Variants in NOL4L observed in about 807,000 individuals in gnomAD.
NOL4L encodes the protein nucleolar protein 4-like.
NOL4L carries 7 observed loss-of-function variants against 64.5 expected under a neutral mutation model. The ratio of observed to expected loss-of-function variants is 0.11; its 90% CI spans 0.06 to 0.20. NOL4L has a LOEUF of 0.20. Among genes scored for constraint, NOL4L ranks in the 10% least tolerant of loss-of-function variants. The pLI is 1.00. For missense variants in NOL4L, 680 were observed against 967.1 expected (o/e 0.70, Z 3.94); for synonymous variants, 413 against 401.0 (o/e 1.03, Z -0.36).
chr20:32,493,167 C>T (rs573375699), intron 4 of NOL4L, among the ~76,000 whole-genome samples: 4 of 152,194 alleles, frequency 2.6e-5, no homozygotes, highest in Non-Finnish European at 5.9e-5. Flanking sequence ...AGCTGGCTCT[C>T]CGGCAGGTGA....
intron 1 of NOL4L, among the ~76,000 whole-genome samples, chr20:32,568,884 T>G (rs766483931): frequency 1.3e-5 from 2 of 152,164 alleles, no homozygotes; most frequent in Non-Finnish European, 2.9e-5. Context: ...TGGGGGACCC[T>G]GGCCATCTCA....
chr20:32,512,720 T>C (rs1376727100), intron 3 of NOL4L, among the ~76,000 whole-genome samples: 3 of 152,188 alleles, frequency 2.0e-5, no homozygotes, highest in African/African-American at 7.2e-5. Context: ...CATTTTGTCA[T>C]AGGTATTTTC....
intron 1 of NOL4L, among the ~76,000 whole-genome samples, chr20:32,572,001 G>C (rs1215743903): frequency 6.6e-6 from 1 of 152,178 alleles, no homozygotes; most frequent in Non-Finnish European, 1.5e-5. Context: ...ATATCCCAAG[G>C]TTGGCACCCT....
chr20:32,535,470 A>T, intron 1 of NOL4L: 1 of 438,060 alleles, frequency 2.3e-6, no homozygotes, highest in Non-Finnish European at 3.0e-6. Context: ...ACAATCTCCA[A>T]CTGTTAGCGC....
At chr20:32,522,795 C>T (rs1202554136) in intron 2 of NOL4L, among the ~76,000 whole-genome samples, 1 of 152,186 alleles carries the variant, frequency 6.6e-6, no homozygotes, top group Non-Finnish European at 1.5e-5. Context: ...CCTCGGCTCC[C>T]CTGAGACGTG....
chr20:32,476,100 A>G (rs559032473), intron 4 of NOL4L, among the ~76,000 whole-genome samples: 1 of 151,440 alleles, frequency 6.6e-6, no homozygotes, highest in Non-Finnish European at 1.5e-5. Context: ...AGGCACACGC[A>G]CTCACTCTGC....
At chr20:32,559,781 G>A (rs144879767) in intron 1 of NOL4L, among the ~76,000 whole-genome samples, 258 of 152,336 alleles carry the variant, frequency 1.7e-3, no homozygotes, top group African/African-American at 5.9e-3. Context: ...AGTCACCTCC[G>A]AGCTGGCTGC....
At chr20:32,522,275 T>C (rs6119881) in intron 2 of NOL4L, among the ~76,000 whole-genome samples, 3,117 of 152,336 alleles carry the variant, frequency 0.02, 97 homozygotes, top group African/African-American at 0.071. Context: ...TCTCAGCTGA[T>C]TTGATGCTCT....
intron 4 of NOL4L, among the ~76,000 whole-genome samples, chr20:32,503,888 C>T (rs2017024068): frequency 6.6e-6 from 1 of 152,072 alleles, no homozygotes; most frequent in Non-Finnish European, 1.5e-5. Flanking sequence ...TAGCACTACT[C>T]CCTCTTTTTT....
intron 4 of NOL4L, among the ~76,000 whole-genome samples, chr20:32,504,934 A>G (rs1449320506): frequency 6.6e-6 from 1 of 152,208 alleles, no homozygotes; most frequent in Non-Finnish European, 1.5e-5. Flanking sequence ...AAGGTCACAC[A>G]CATTGAGCCA....
chr20:32,526,246 T>C (rs1053798809), intron 2 of NOL4L, among the ~76,000 whole-genome samples: 2 of 152,150 alleles, frequency 1.3e-5, no homozygotes, highest in Admixed American at 6.5e-5. Flanking sequence ...AAGGGGCCCA[T>C]GTGGGCCCCA....
At chr20:32,526,241 G>A (rs1009050215) in intron 2 of NOL4L, among the ~76,000 whole-genome samples, 4 of 152,138 alleles carry the variant, frequency 2.6e-5, no homozygotes, top group African/African-American at 9.7e-5. Context: ...GTGCCAAGGG[G>A]CCCATGTGGG....
chr20:32,526,900 T>C (rs981986365), intron 2 of NOL4L, among the ~76,000 whole-genome samples: 1 of 152,196 alleles, frequency 6.6e-6, no homozygotes, highest in Non-Finnish European at 1.5e-5. Flanking sequence ...TAGGCCCACA[T>C]GTGGGTCAGC....
chr20:32,490,144 A>AAAAAAT, intron 4 of NOL4L, among the ~76,000 whole-genome samples: 1 of 122,184 alleles, frequency 8.2e-6, no homozygotes, highest in South Asian at 2.5e-4. Context: ...AAAAAAAAAA[A>AAAAAAT]ATATATATAC....
chr20:32,481,899 C>G (rs1450003682), intron 4 of NOL4L, among the ~76,000 whole-genome samples: 1 of 140,956 alleles, frequency 7.1e-6, no homozygotes, highest in Non-Finnish European at 1.5e-5. Context: ...CCCAGAAGAG[C>G]CATGAGGTCC....
At position 32,532,296 on chromosome 20, in the gene NOL4L, G is replaced by C. The variant is rs774792648; in HGVS notation, c.322-4383C>G. 8.4e-6 allele frequency: 8 copies of C among 948,586 alleles called. No individual in the cohort carries two copies. In the Admixed American group the frequency reaches 4.9e-4, roughly 59 times the overall value. 58.8% of individuals were successfully genotyped at this position (948,586 alleles called of 1,614,324 possible). ...CTGGAGCGACCAGAACTCAAACCAC[G>C]CAAGGGCTGCAGAGCCATACCTTGA... is the stretch of plus-strand genomic sequence containing the variant. On this transcript the variant is annotated intron_variant, in intron 1 of 10. Coordinates refer to ENST00000621426, the MANE Select transcript of NOL4L (RefSeq NM_001256798.2).
At chr20:32,528,792 A>G (rs2018239032) in intron 1 of NOL4L, among the ~76,000 whole-genome samples, 1 of 152,198 alleles carries the variant, frequency 6.6e-6, no homozygotes, top group Admixed American at 6.5e-5. Context: ...AGATACACAG[A>G]CCCAGAGACA....
chr20:32,549,110 T>C (rs1166183964), intron 1 of NOL4L, among the ~76,000 whole-genome samples: 1 of 152,080 alleles, frequency 6.6e-6, no homozygotes, highest in Non-Finnish European at 1.5e-5. Flanking sequence ...ATTAGACAAA[T>C]TGCACTTAAT....
At chr20:32,506,531 C>T (rs1034932616) in intron 4 of NOL4L, among the ~76,000 whole-genome samples, 7 of 151,996 alleles carry the variant, frequency 4.6e-5, no homozygotes, top group Non-Finnish European at 7.4e-5. Flanking sequence ...CGTGGTGGTG[C>T]GTGCCTGTAA....
Sources: allele counts gnomAD v4.1 joint callset (sites outside exome capture counted in the v4.1 genomes callset), GRCh38; gene constraint gnomAD v4.1.1; transcripts MANE v1.5; gene names NCBI Gene and HGNC (gene_info 2026-07-23, HGNC 2026-07-21).